CHD1L: variants seen among roughly 807,000 people sequenced by gnomAD.
CHD1L encodes ATP-dependent chromatin remodeler CHD1L.
In CHD1L, 118 loss-of-function variants were observed where a neutral mutation model predicts 115.9. The ratio of observed to expected loss-of-function variants is 1.02; its 90% CI spans 0.88 to 1.19. The LOEUF is 1.19. CHD1L is among the 50% of genes most tolerant of loss of function. The pLI is 0.00. For synonymous variants in CHD1L, 411 were observed against 387.1 expected (o/e 1.06, Z -0.72); for missense variants, 1,179 against 1,065.3 (o/e 1.11, Z -1.49).
the CHD1L span, chr1:147,203,880 G>A: frequency 1.3e-6 from 2 of 1,578,290 alleles, no homozygotes; most frequent in African/African-American, 1.3e-5. Flanking sequence ...ACTTCTGAGA[G>A]GTAAACACTG....
At chr1:147,258,829 T>C (rs587634645) in intron 5 of CHD1L, 6 of 152,346 alleles carry the variant, frequency 3.9e-5, no homozygotes, top group African/African-American at 1.4e-4. Flanking sequence ...TTTTTAAATA[T>C]GAAAATAATG....
At chr1:147,176,941 T>C in the CHD1L span, among the ~76,000 whole-genome samples, 1 of 152,078 alleles carries the variant, frequency 6.6e-6, no homozygotes, top group East Asian at 1.9e-4. Flanking sequence ...TGGGTAAATA[T>C]AGAAATACTT....
chr1:147,185,489 C>T, the CHD1L span, among the ~76,000 whole-genome samples: 5 of 152,026 alleles, frequency 3.3e-5, no homozygotes, highest in Non-Finnish European at 5.9e-5. Context: ...AAAGTAATAC[C>T]AGTTCTCAGT....
At chr1:147,242,398 GA>G (rs1208382064), upstream of CHD1L, among the ~76,000 whole-genome samples, 2 of 152,198 alleles carry the variant, frequency 1.3e-5, no homozygotes, top group Non-Finnish European at 2.9e-5. Context: ...AATGAATGAT[GA>G]ACACATGCCA....
rs373036183 is a variant in CHD1L, at chr1:147,267,513, T to G, written c.983T>G (p.Phe328Cys). ...AAGTGTGTGGATCACCCATATTTGT[T>G]TGATGGTGAGACAGTGCCTTTTCCC... ...LRKCVDHPYL[F>C]DGVEPEPFEV... Residue 328 changes from phenylalanine to cysteine, a missense_variant, in exon 9 of 23, where the codon TTT becomes TGT. Physicochemically the swap from Phe to Cys is radical, Grantham distance 205. Coordinates refer to ENST00000369258, the MANE Select transcript of CHD1L (RefSeq NM_004284.6). 1.7e-5 allele frequency: 27 copies of G among 1,610,962 alleles called. No homozygotes were observed. The African/African-American group carries it at 3.5e-4, about 21-fold the overall frequency.
intron 19 of CHD1L, among the ~76,000 whole-genome samples, chr1:147,290,013 G>T (rs1159285423): frequency 6.6e-6 from 1 of 152,182 alleles, no homozygotes; most frequent in African/African-American, 2.4e-5. Flanking sequence ...ATTTTAGAAT[G>T]ACTGAACAAA....
intron 10 of CHD1L, 94 bp downstream of exon 10, chr1:147,268,972 T>C (rs143940711): frequency 2.7e-6 from 2 of 752,200 alleles, no homozygotes; most frequent in Non-Finnish European, 3.8e-6. Flanking sequence ...CAATTCCAGT[T>C]TTCTTTTTTT....
intron 20 of CHD1L, 23 bp from the exon 21 acceptor site, chr1:147,293,585 C>A: frequency 6.2e-7 from 1 of 1,600,844 alleles, no homozygotes; most frequent in Non-Finnish European, 8.6e-7. Context: ...TTGGGTTGGT[C>A]ATCTAATGGT....
At chr1:147,271,112 G>C in intron 11 of CHD1L, 107 bp downstream of exon 11, 1 of 996,676 alleles carries the variant, frequency 1.0e-6, no homozygotes, top group South Asian at 1.5e-5. Context: ...AAGGAAAGCA[G>C]GGTGAGAACA....
chr1:147,187,275 T>A, the CHD1L span: 2 of 1,502,858 alleles, frequency 1.3e-6, no homozygotes, highest in South Asian at 2.6e-5. Flanking sequence ...AACCATGGCC[T>A]GTCAATAATT....
At chr1:147,226,760 G>A in the CHD1L span, among the ~76,000 whole-genome samples, 2 of 151,942 alleles carry the variant, frequency 1.3e-5, no homozygotes, top group African/African-American at 4.8e-5. Context: ...TATTTTGTTT[G>A]TGCCATTGAA....
chr1:147,235,087 CTGTG>C, the CHD1L span, among the ~76,000 whole-genome samples: 13,217 of 146,104 alleles, frequency 0.09, 687 homozygotes, highest in East Asian at 0.15. Flanking sequence ...ATATCCCACA[CTGTG>C]TGTGTGTGTG....
Position 147,252,712 on chromosome 1 carries a change from A to C in CHD1L, c.217A>C (p.Met73Leu). 1 of 1,613,916 alleles carries C rather than the reference A, an allele frequency of 6.2e-7. No homozygotes were observed. The highest frequency in any genetic ancestry group is 8.5e-7 in the Non-Finnish European group (1 of 1,179,960). ...GAATGGCTGTATCCTGGGAGATGAG[A>C]TGGGCCTGGGGAAGACCTGCCAGGT... ...CQNGCILGDEMGLGKTCQTIA... is the reference protein window; with the variant it reads ...CQNGCILGDELGLGKTCQTIA... The change falls in exon 2 of 23, where the codon ATG becomes CTG. Residue 73 changes from methionine to leucine, a missense_variant. By Grantham distance (15) the Met-to-Leu change is conservative (BLOSUM62 2). Coordinates refer to ENST00000369258, the MANE Select transcript of CHD1L (RefSeq NM_004284.6).
At chr1:147,285,711 T>C (rs1240348059) in intron 17 of CHD1L, among the ~76,000 whole-genome samples, 1 of 152,188 alleles carries the variant, frequency 6.6e-6, no homozygotes, top group African/African-American at 2.4e-5. Context: ...TTTTCTTTTT[T>C]CTTTTGAGAT....
intron 13 of CHD1L, among the ~76,000 whole-genome samples, 190 bp from the exon 14 acceptor site, chr1:147,275,914 A>T (rs1678251051): frequency 6.6e-6 from 1 of 152,158 alleles, no homozygotes. Flanking sequence ...GACTGTCTGG[A>T]ATGGTTCAGA....
rs2102717850 is a variant in CHD1L, at chr1:147,274,511, G to C, written c.1271-843G>C. 1.3e-5 allele frequency among the ~76,000 whole-genome samples: 2 copies of C among 152,260 alleles called. 1 individual carries two copies. The highest frequency in any genetic ancestry group is 2.9e-5 in the Non-Finnish European group (2 of 68,020). On this transcript the variant is annotated intron_variant, in intron 12 of 22. Transcript: ENST00000369258. ...CAGGTTTATGGAACAAGCCCTTTCA[G>C]GCTTGCTTGTTTCAGCAACCAGCTC...
chr1:147,203,387 C>T, the CHD1L span: 30 of 1,056,354 alleles, frequency 2.8e-5, no homozygotes, highest in African/African-American at 3.7e-4. Context: ...GCAGCATTAG[C>T]AGCGAGTTTG....
the CHD1L span, among the ~76,000 whole-genome samples, chr1:147,188,775 A>G: frequency 2.6e-5 from 4 of 151,076 alleles, no homozygotes; most frequent in East Asian, 7.7e-4. Flanking sequence ...AAAAAAAAAA[A>G]GGTTACATTA....
upstream of CHD1L, among the ~76,000 whole-genome samples, chr1:147,239,413 C>A (rs1269631309): frequency 2.6e-5 from 4 of 152,184 alleles, no homozygotes; most frequent in African/African-American, 9.7e-5. Flanking sequence ...CGGGCCACAT[C>A]CCTGAACCCA....
Sources: allele counts gnomAD v4.1 joint callset (sites outside exome capture counted in the v4.1 genomes callset), GRCh38; gene constraint gnomAD v4.1.1; transcripts MANE v1.5; gene names NCBI Gene and HGNC (gene_info 2026-07-23, HGNC 2026-07-21).